Variants in DAW1 observed in about 807,000 individuals in gnomAD.
The protein encoded by DAW1 is dynein assembly factor with WD repeat domains 1.
Under a neutral mutation model 56.5 loss-of-function variants are expected in DAW1, and 47 were observed. That is an observed-to-expected ratio of 0.83 (90% CI 0.66 to 1.06). DAW1 has a LOEUF of 1.06. Among genes scored for constraint, DAW1 ranks in the 50% least tolerant of loss-of-function variants. The pLI is 0.00. For synonymous variants in DAW1, 190 were observed against 179.0 expected (o/e 1.06, Z -0.49); for missense variants, 505 against 499.3 (o/e 1.01, Z -0.11).
At chr2:227,894,528 G>A (rs1013995492) in intron 5 of DAW1, among the ~76,000 whole-genome samples, 3 of 152,156 alleles carry the variant, frequency 2.0e-5, no homozygotes, top group African/African-American at 2.4e-5. Flanking sequence ...TGGGAGTTCC[G>A]ACAGGCACTG....
chr2:227,921,328 TTTTTTGCTG>T, intron 11 of DAW1, 62 bp from the exon 12 acceptor site: 1 of 700,528 alleles, frequency 1.4e-6, no homozygotes. Flanking sequence ...TTTTTTTTTT[TTTTTTGCTG>T]ATAAGAAATG....
chr2:227,921,456 A>C lies in DAW1; in HGVS notation c.1108A>C (p.Arg370=). 6.2e-7 allele frequency: 1 copy of C among 1,614,002 alleles called. No individual in the cohort carries two copies. Among genetic ancestry groups the C allele is most frequent in the Non-Finnish European group, 8.5e-7 (1 of 1,179,994 alleles). The change falls in exon 12 of 13, where the codon AGA becomes CGA. Residue 370 remains arginine, a synonymous_variant. Coordinates refer to ENST00000309931, the MANE Select transcript of DAW1 (RefSeq NM_178821.3). ...LLTGSSDKTA[R]IWDAQTGQCL... ...AACTGGCAGCTCTGACAAAACGGCT[A>C]GAATCTGGGATGCTCAGACTGGCCA...
intron 6 of DAW1, 106 bp from the exon 7 acceptor site, chr2:227,902,896 A>G (rs564913798): frequency 1.5e-5 from 18 of 1,175,764 alleles, no homozygotes; most frequent in Non-Finnish European, 2.2e-5. Context: ...TGTACAAAGA[A>G]TTAGATGGAA....
intron 10 of DAW1, among the ~76,000 whole-genome samples, chr2:227,914,762 T>C (rs774998648): frequency 2.0e-5 from 3 of 152,098 alleles, no homozygotes; most frequent in Non-Finnish European, 2.9e-5. Context: ...TGATGCTACA[T>C]GTTTTCATCA....
chr2:227,874,658 G>A (rs1408679107), intron 1 of DAW1, among the ~76,000 whole-genome samples: 1 of 151,638 alleles, frequency 6.6e-6, no homozygotes, highest in African/African-American at 2.4e-5. Flanking sequence ...GTGCCCCAGA[G>A]CCCCAACCTT....
At chr2:227,920,339 G>T (rs1280873310) in intron 11 of DAW1, among the ~76,000 whole-genome samples, 1 of 152,152 alleles carries the variant, frequency 6.6e-6, no homozygotes, top group African/African-American at 2.4e-5. Flanking sequence ...ACAGCCACTG[G>T]TAACAGAGTG....
In DAW1 at chr2:227,906,221, A is replaced by AT. The variant is rs549585773; in HGVS notation, c.756-10dup. On this transcript the variant is annotated splice_polypyrimidine_tract_variant and intron_variant, in intron 8 of 12. Transcript: ENST00000309931. Reference sequence around the variant, plus strand: ...AAGATATCTTTCACTAGTTTTAATTATTTTTGTGTTGTAGGAAGGTAAATA... The same window carrying AT: ...AAGATATCTTTCACTAGTTTTAATTATTTTTTGTGTTGTAGGAAGGTAAATA... 305 of 1,591,022 alleles carry AT rather than the reference A, an allele frequency of 1.9e-4. 1 individual carries two copies. In the African/African-American group the frequency reaches 3.4e-3, roughly 18 times the overall value.
chr2:227,879,653 T>C lies in DAW1; in HGVS notation c.41-5698T>C, dbSNP rs559723600. 5.3e-5 allele frequency among the ~76,000 whole-genome samples: 8 copies of C among 151,968 alleles called. No individual in the cohort carries two copies. The East Asian group carries it at 9.6e-4, about 18-fold the overall frequency. On this transcript the variant is annotated intron_variant, in intron 1 of 12. Transcript: ENST00000309931. ...CCATTATATTATCTAGAATATTTTA[T>C]ATTTTATTTTTAATATTAAAATTTG...
At chr2:227,901,623 A>G (rs1402009369) in intron 6 of DAW1, among the ~76,000 whole-genome samples, 1 of 152,178 alleles carries the variant, frequency 6.6e-6, no homozygotes, top group Non-Finnish European at 1.5e-5. Context: ...GAAACTAGAG[A>G]ACAAAGGATT....
intron 6 of DAW1, among the ~76,000 whole-genome samples, chr2:227,902,551 G>T (rs933766897): frequency 1.2e-4 from 19 of 152,120 alleles, no homozygotes; most frequent in Non-Finnish European, 2.6e-4. Context: ...GTTGTCCGGG[G>T]CATGGGTCTG....
intron 2 of DAW1, among the ~76,000 whole-genome samples, chr2:227,885,711 C>T (rs1260823662): frequency 1.3e-5 from 2 of 152,076 alleles, no homozygotes; most frequent in African/African-American, 4.8e-5. Context: ...AGTTTCCACA[C>T]CCCGATTCCC....
At chr2:227,905,151 A>C (rs1418500411) in intron 8 of DAW1, 116 bp downstream of exon 8, 2 of 674,930 alleles carry the variant, frequency 3.0e-6, no homozygotes, top group Non-Finnish European at 4.8e-6. Context: ...CCATAAAAAT[A>C]GGACATATTG....
intron 1 of DAW1, among the ~76,000 whole-genome samples, chr2:227,875,586 C>T (rs1405729677): frequency 1.3e-5 from 2 of 152,212 alleles, no homozygotes; most frequent in Admixed American, 6.5e-5. Context: ...TACCCATGGA[C>T]ATTTGTATCA....
At chr2:227,919,469 A>G (rs1692055222) in intron 11 of DAW1, among the ~76,000 whole-genome samples, 1 of 152,206 alleles carries the variant, frequency 6.6e-6, no homozygotes, top group Non-Finnish European at 1.5e-5. Flanking sequence ...GAGCGTGTAA[A>G]CTGCTTTTCC....
chr2:227,911,227 T>TATACAC (rs1691807367), intron 10 of DAW1, among the ~76,000 whole-genome samples: 1 of 59,382 alleles, frequency 1.7e-5, no homozygotes, highest in Non-Finnish European at 4.1e-5. Flanking sequence ...TACATACATA[T>TATACAC]GTGTATATAT....
At chr2:227,877,884 G>A (rs1464124760) in intron 1 of DAW1, among the ~76,000 whole-genome samples, 2 of 152,212 alleles carry the variant, frequency 1.3e-5, no homozygotes, top group Non-Finnish European at 2.9e-5. Flanking sequence ...CAGTGGGGTC[G>A]GGGGACCCCT....
intron 5 of DAW1, among the ~76,000 whole-genome samples, chr2:227,895,135 A>G (rs1016874388): frequency 6.6e-6 from 1 of 152,218 alleles, no homozygotes; most frequent in African/African-American, 2.4e-5. Context: ...TTCTGCACGT[A>G]TGTTTAAGTT....
rs1016085093 is a variant in DAW1, at chr2:227,891,247, C to T, written c.259-8C>T. On this transcript the variant is annotated splice_polypyrimidine_tract_variant and splice_region_variant and intron_variant, in intron 3 of 12. Coordinates refer to ENST00000309931, the MANE Select transcript of DAW1 (RefSeq NM_178821.3). ...GAGTCTAAAAAATGGTGTTTTCTTT[C>T]ACTGAAGGTTCTCAAAGCACATATA... is the stretch of plus-strand genomic sequence containing the variant. 2 of 1,609,560 alleles carry T rather than the reference C, an allele frequency of 1.2e-6. No homozygotes were observed. Among genetic ancestry groups the T allele is most frequent in the Non-Finnish European group, 1.7e-6 (2 of 1,178,132 alleles).
chr2:227,917,869 A>T (rs541696495), intron 10 of DAW1, among the ~76,000 whole-genome samples: 14 of 152,264 alleles, frequency 9.2e-5, no homozygotes, highest in African/African-American at 2.4e-5. Flanking sequence ...CAAGTAAAAA[A>T]TTTATTATGA....
Sources: gnomAD v4.1 joint callset for allele counts (sites outside exome capture counted in the v4.1 genomes callset) on GRCh38, gnomAD v4.1.1 for gene constraint, MANE v1.5 for transcripts, NCBI Gene and HGNC (gene_info 2026-07-23, HGNC 2026-07-21) for gene names.